SPATA16: variants seen among roughly 807,000 people sequenced by gnomAD.
SPATA16 encodes spermatogenesis-associated protein 16.
SPATA16 carries 36 observed loss-of-function variants against 63.3 expected under a neutral mutation model. The ratio of observed to expected loss-of-function variants is 0.57; its 90% CI spans 0.44 to 0.75. The LOEUF (loss-of-function observed/expected upper bound fraction) is 0.75. SPATA16 is among the 30% of genes least tolerant of loss of function. SPATA16 has a pLI of 0.00. For synonymous variants in SPATA16, 203 were observed against 216.7 expected (o/e 0.94, Z 0.56); for missense variants, 646 against 679.3 (o/e 0.95, Z 0.54).
intron 6 of SPATA16, among the ~76,000 whole-genome samples, chr3:172,926,450 A>G (rs537759185): frequency 2.1e-4 from 32 of 152,300 alleles, no homozygotes; most frequent in Admixed American, 1.8e-3. Context: ...ATTCCACATA[A>G]TAACTTCACA....
In SPATA16 at chr3:173,002,107, G is replaced by A. The variant is rs148279020; in HGVS notation, c.848+17379C>T. 9.3e-3 allele frequency among the ~76,000 whole-genome samples: 1,408 copies of A among 152,046 alleles called. 26 individuals carry two copies. Among genetic ancestry groups the A allele is most frequent in the African/African-American group, 0.029 (1,219 of 41,494 alleles). On this transcript the variant is annotated intron_variant, in intron 4 of 10. Transcript: ENST00000351008. ...TCATTTAATTCTAGAGGTTATAATC[G>A]GATACTATCAATATTTATTTTGATT...
rs1733408382 is a variant in SPATA16 at position 172,950,682 on chromosome 3, C to G, written c.1081+5995G>C. Reference sequence around the variant, plus strand: ...TATTATTCTTACTGGTAAATGATGACTGAACAAGAACAAGGTTATAAATTT... The same window carrying G: ...TATTATTCTTACTGGTAAATGATGAGTGAACAAGAACAAGGTTATAAATTT... On this transcript the variant is annotated intron_variant, in intron 6 of 10. Transcript: ENST00000351008. 2.0e-5 allele frequency among the ~76,000 whole-genome samples: 3 copies of G among 151,974 alleles called. No homozygotes were observed. The South Asian group carries it at 6.2e-4, about 32-fold the overall frequency.
chr3:172,918,905 G>A (rs1299827727), intron 8 of SPATA16, among the ~76,000 whole-genome samples: 1 of 152,158 alleles, frequency 6.6e-6, no homozygotes, highest in Non-Finnish European at 1.5e-5. Flanking sequence ...TGGCAAATAA[G>A]TGGCACTATA....
intron 6 of SPATA16, among the ~76,000 whole-genome samples, chr3:172,929,987 A>C (rs747443460): frequency 3.9e-5 from 6 of 152,074 alleles, no homozygotes; most frequent in Admixed American, 6.5e-5. Context: ...CTTTCCTCTT[A>C]TTCCCCATTT....
rs371876522 is a variant in SPATA16 at position 172,923,159 on chromosome 3, G to C, written c.1338+1049C>G. 9.9e-5 allele frequency among the ~76,000 whole-genome samples: 15 copies of C among 152,244 alleles called. No homozygotes were observed. In the East Asian group the frequency reaches 2.5e-3, roughly 26 times the overall value. ...GGGTAATGATGTGTGTGGGTCTTTAGGTTGGTGTTTTGTTATGGCAGCCTG... is the reference window on the plus strand; with the variant it reads ...GGGTAATGATGTGTGTGGGTCTTTACGTTGGTGTTTTGTTATGGCAGCCTG... On this transcript the variant is annotated intron_variant, in intron 8 of 10. Coordinates refer to ENST00000351008, the MANE Select transcript of SPATA16 (RefSeq NM_031955.6).
chr3:173,037,208 T>C lies in SPATA16; in HGVS notation c.758+11741A>G, dbSNP rs375974347. 6.6e-5 allele frequency among the ~76,000 whole-genome samples: 10 copies of C among 152,154 alleles called. 1 individual carries two copies. The highest frequency in any genetic ancestry group is 1.9e-4 in the East Asian group (1 of 5,182). On this transcript the variant is annotated intron_variant, in intron 3 of 10. Coordinates refer to ENST00000351008, the MANE Select transcript of SPATA16 (RefSeq NM_031955.6). ...TTAATTTGCATTATATTACACCATC[T>C]TTTTGCCCTCCTTCCTAAGACTAAA...
At chr3:173,058,880 C>T (rs1208116665) in intron 2 of SPATA16, among the ~76,000 whole-genome samples, 2 of 152,012 alleles carry the variant, frequency 1.3e-5, no homozygotes, top group Non-Finnish European at 2.9e-5. Context: ...TTTCTAAATA[C>T]TCTGAAACAT....
At chr3:173,073,621 AG>A (rs1303736785) in intron 2 of SPATA16, among the ~76,000 whole-genome samples, 1 of 152,206 alleles carries the variant, frequency 6.6e-6, no homozygotes, top group Non-Finnish European at 1.5e-5. Flanking sequence ...TAGATTTTAG[AG>A]GATGTATGGA....
chr3:172,944,857 G>A (rs1359269620), intron 6 of SPATA16, among the ~76,000 whole-genome samples: 1 of 152,148 alleles, frequency 6.6e-6, no homozygotes, highest in African/African-American at 2.4e-5. Flanking sequence ...TTATTTAATG[G>A]GTAGAGTTTC....
chr3:172,912,070 T>A (rs570826827), intron 10 of SPATA16, among the ~76,000 whole-genome samples: 5 of 152,366 alleles, frequency 3.3e-5, no homozygotes, highest in African/African-American at 9.6e-5. Context: ...AAATATCTTC[T>A]GTACGTTCTG....
At chr3:172,892,767 A>G (rs1039446750) in intron 10 of SPATA16, among the ~76,000 whole-genome samples, 89 of 152,362 alleles carry the variant, frequency 5.8e-4, no homozygotes, top group African/African-American at 2.1e-3. Context: ...GAAAGGACAC[A>G]GTTTTTGAAG....
intron 1 of SPATA16, among the ~76,000 whole-genome samples, chr3:173,140,347 T>A (rs1392762088): frequency 6.8e-6 from 1 of 146,800 alleles, no homozygotes; most frequent in Non-Finnish European, 1.5e-5. Context: ...CTATTAATAT[T>A]TTATGGGTAA....
chr3:172,937,075 T>G (rs898761199), intron 6 of SPATA16, among the ~76,000 whole-genome samples: 13 of 152,160 alleles, frequency 8.5e-5, no homozygotes, highest in Admixed American at 8.5e-4. Flanking sequence ...AGAATTGAAT[T>G]GCAATATCGA....
intron 10 of SPATA16, among the ~76,000 whole-genome samples, chr3:172,902,410 A>G (rs949904295): frequency 1.3e-5 from 2 of 152,136 alleles, no homozygotes; most frequent in African/African-American, 4.8e-5. Flanking sequence ...ATATTCTTCA[A>G]AGTAGAAGTA....
chr3:173,045,536 T>C (rs1735935593), intron 3 of SPATA16, among the ~76,000 whole-genome samples: 1 of 152,174 alleles, frequency 6.6e-6, no homozygotes, highest in Admixed American at 6.6e-5. Context: ...CCTTGTGAAA[T>C]AGTACTTGTG....
intron 2 of SPATA16, among the ~76,000 whole-genome samples, chr3:173,051,264 G>A (rs958710920): frequency 4.0e-5 from 6 of 151,846 alleles, no homozygotes; most frequent in African/African-American, 1.2e-4. Flanking sequence ...GTGTAGTGGC[G>A]CGATCTCTCC....
At chr3:172,939,815 C>A (rs1366797360) in intron 6 of SPATA16, among the ~76,000 whole-genome samples, 1 of 152,048 alleles carries the variant, frequency 6.6e-6, no homozygotes, top group African/African-American at 2.4e-5. Flanking sequence ...CTTGCTGGGC[C>A]CTTAGATAGC....
chr3:173,039,436 T>G (rs1735787942), intron 3 of SPATA16, among the ~76,000 whole-genome samples: 1 of 152,076 alleles, frequency 6.6e-6, no homozygotes, highest in African/African-American at 2.4e-5. Context: ...AAAGACCACA[T>G]GGAAATCAAA....
intron 1 of SPATA16, among the ~76,000 whole-genome samples, chr3:173,134,495 GA>G (rs920402367): frequency 6.1e-5 from 9 of 148,518 alleles, no homozygotes; most frequent in African/African-American, 1.5e-4. Flanking sequence ...CCTCAAAAAA[GA>G]AAAAAAAAAG....
Sources: allele counts gnomAD v4.1 joint callset (sites outside exome capture counted in the v4.1 genomes callset), GRCh38; gene constraint gnomAD v4.1.1; transcripts MANE v1.5; gene names NCBI Gene and HGNC (gene_info 2026-07-23, HGNC 2026-07-21).